Variants in NNT observed in about 807,000 individuals in gnomAD.
NNT encodes NAD(P) transhydrogenase, mitochondrial.
In NNT, 50 loss-of-function variants were observed where a neutral mutation model predicts 104.8. The observed-to-expected ratio is 0.48, with a 90% CI of 0.38 to 0.60. The LOEUF (loss-of-function observed/expected upper bound fraction) is 0.60, where lower values mean the gene tolerates loss of function less well. Among genes scored for constraint, NNT ranks in the 20% least tolerant of loss-of-function variants. NNT has a pLI of 0.00. For missense variants in NNT, 1,131 were observed against 1,330.7 expected (o/e 0.85, Z 2.33); for synonymous variants, 461 against 490.4 (o/e 0.94, Z 0.79).
intron 7 of NNT, among the ~76,000 whole-genome samples, chr5:43,642,974 G>T (rs1387531146): frequency 6.6e-6 from 1 of 152,158 alleles, no homozygotes; most frequent in Admixed American, 6.5e-5. Flanking sequence ...GTCCCGGCTG[G>T]AGTGCAGTGG....
chr5:43,666,714 C>A, intron 17 of NNT: 1 of 1,064,700 alleles, frequency 9.4e-7, no homozygotes, highest in East Asian at 2.4e-5. Context: ...AGCCCAGGGA[C>A]GGGGGTGGGG....
rs1385402134 is a variant in NNT, at chr5:43,705,875, A to G, written c.*1471A>G. ...TGTTAATTGATCTTAGATCACTAGT[A>G]AACTCAGGGCTGAATTATACCATGT... On this transcript the variant is annotated 3_prime_UTR_variant, in exon 22 of 22. Transcript: ENST00000344920. 1 of 152,056 alleles carries G rather than the reference A, an allele frequency of 6.6e-6. No homozygotes were observed. The highest frequency in any genetic ancestry group is 1.5e-5 in the Non-Finnish European group (1 of 67,960). 9.4% of individuals were successfully genotyped at this position (152,056 alleles called of 1,614,324 possible). A position where few individuals can be genotyped will look rare whatever the true frequency, so the allele number is the denominator to read the frequency against.
rs1485108896 is a variant in NNT, at chr5:43,660,951, T to A, written c.2634+1601T>A. 2.0e-5 allele frequency among the ~76,000 whole-genome samples: 3 copies of A among 152,180 alleles called. 1 individual carries two copies. Among genetic ancestry groups the A allele is most frequent in the South Asian group, 4.1e-4 (2 of 4,828 alleles). On this transcript the variant is annotated intron_variant, in intron 17 of 21. Transcript: ENST00000344920. ...CCTTCATTCTTTTATTATAATATTTTAAAAAACTCGCTTATTTTACAACTC... is the reference window on the plus strand; with the variant it reads ...CCTTCATTCTTTTATTATAATATTTAAAAAAACTCGCTTATTTTACAACTC...
At chr5:43,661,112 G>A (rs1740332352) in intron 17 of NNT, among the ~76,000 whole-genome samples, 1 of 151,676 alleles carries the variant, frequency 6.6e-6, no homozygotes, top group African/African-American at 2.4e-5. Context: ...TTCAAAACAA[G>A]CTAAGGGGTT....
chr5:43,605,281 C>A (rs1285340246), intron 1 of NNT, among the ~76,000 whole-genome samples: 1 of 151,878 alleles, frequency 6.6e-6, no homozygotes, highest in Non-Finnish European at 1.5e-5. Flanking sequence ...CTTTGGGAGG[C>A]CGAGGCGGGT....
chr5:43,651,568 A>G (rs1169153407), intron 12 of NNT, among the ~76,000 whole-genome samples, 171 bp from the exon 13 acceptor site: 4 of 151,904 alleles, frequency 2.6e-5, no homozygotes, highest in African/African-American at 9.7e-5. Flanking sequence ...ACAGAGTGAG[A>G]CTCCATCTCA....
intron 2 of NNT, 58 bp from the exon 3 acceptor site, chr5:43,612,850 C>T (rs1749567519): frequency 2.3e-6 from 3 of 1,282,176 alleles, no homozygotes; most frequent in South Asian, 1.3e-5. Context: ...TGTTTTTAAA[C>T]ATTTTTTGTT....
chr5:43,646,322 G>A (rs1424791266), intron 10 of NNT, among the ~76,000 whole-genome samples: 1 of 152,056 alleles, frequency 6.6e-6, no homozygotes, highest in African/African-American at 2.4e-5. Context: ...ATCTTTTTTT[G>A]TTGCTCAGGT....
intron 1 of NNT, among the ~76,000 whole-genome samples, chr5:43,603,644 G>T (rs1384858511): frequency 6.6e-6 from 1 of 152,152 alleles, no homozygotes; most frequent in Non-Finnish European, 1.5e-5. Flanking sequence ...AGCTTTGGGG[G>T]ACAGCGAGAG....
At chr5:43,639,751 A>T (rs569508385) in intron 7 of NNT, among the ~76,000 whole-genome samples, 1 of 152,128 alleles carries the variant, frequency 6.6e-6, no homozygotes, top group Non-Finnish European at 1.5e-5. Flanking sequence ...TCTGAGAGGG[A>T]ACTGAGTAAC....
chr5:43,645,326 T>C, intron 9 of NNT, 31 bp from the exon 10 acceptor site: 1 of 1,387,398 alleles, frequency 7.2e-7, no homozygotes, highest in Non-Finnish European at 9.4e-7. Context: ...GATTGACTTT[T>C]TAATACGTAC....
chr5:43,621,483 A>G (rs1023376992), intron 5 of NNT, among the ~76,000 whole-genome samples: 1 of 152,058 alleles, frequency 6.6e-6, no homozygotes, highest in Admixed American at 6.6e-5. Context: ...TAAAACTTAC[A>G]CTCCAGTGGG....
rs779094106 is a variant in NNT at position 43,700,257 on chromosome 5, G to T, written c.2995+20G>T. On this transcript the variant is annotated intron_variant, in intron 20 of 21. Coordinates refer to ENST00000344920, the MANE Select transcript of NNT (RefSeq NM_182977.3). ...TTCCAGGTAAGTGGTGGGGGCAATT[G>T]TGAAGTTTAAATATTCTTACTATGA... 3 of 1,552,478 alleles carry T rather than the reference G, an allele frequency of 1.9e-6. No individual in the cohort carries two copies. The South Asian group carries it at 3.4e-5, about 17-fold the overall frequency.
chr5:43,677,924 TA>T (rs1188156706), intron 19 of NNT, 118 bp downstream of exon 19: 2 of 724,994 alleles, frequency 2.8e-6, no homozygotes, highest in East Asian at 5.1e-5. Context: ...CCCATACAAT[TA>T]AAAATCCATA....
intron 10 of NNT, chr5:43,648,087 T>C (rs187466819): frequency 1.6e-6 from 2 of 1,218,008 alleles, no homozygotes; most frequent in Admixed American, 6.0e-5. Flanking sequence ...GCAACTTCTC[T>C]AATTTTTAAC....
At chr5:43,678,826 A>G (rs1158452635) in intron 19 of NNT, among the ~76,000 whole-genome samples, 1 of 152,160 alleles carries the variant, frequency 6.6e-6, no homozygotes, top group African/African-American at 2.4e-5. Context: ...GGCTACCTTA[A>G]TTGTATTAGT....
chr5:43,647,054 AG>A (rs1739482387), intron 10 of NNT, among the ~76,000 whole-genome samples: 1 of 152,240 alleles, frequency 6.6e-6, no homozygotes, highest in Non-Finnish European at 1.5e-5. Flanking sequence ...ACAAAACAAA[AG>A]CAAACTATAA....
intron 19 of NNT, among the ~76,000 whole-genome samples, chr5:43,686,456 A>G (rs1381187431): frequency 1.3e-5 from 2 of 152,072 alleles, no homozygotes; most frequent in African/African-American, 4.8e-5. Flanking sequence ...TATTGGCCTC[A>G]ATCTAGATTG....
At chr5:43,637,633 G>A (rs1157755769) in intron 7 of NNT, among the ~76,000 whole-genome samples, 1 of 152,144 alleles carries the variant, frequency 6.6e-6, no homozygotes, top group Non-Finnish European at 1.5e-5. Flanking sequence ...CCTCAGTGCT[G>A]TGCAGAAGGC....
Sources: allele counts gnomAD v4.1 joint callset (sites outside exome capture counted in the v4.1 genomes callset), GRCh38; gene constraint gnomAD v4.1.1; transcripts MANE v1.5; gene names NCBI Gene and HGNC (gene_info 2026-07-23, HGNC 2026-07-21).